DLGAP2: variants seen among roughly 807,000 people sequenced by gnomAD.
DLGAP2 encodes the protein disks large-associated protein 2.
In DLGAP2, 26 loss-of-function variants were observed where a neutral mutation model predicts 100.3. The observed-to-expected ratio is 0.26, with a 90% CI of 0.19 to 0.36. The LOEUF is 0.36. Among genes scored for constraint, DLGAP2 ranks in the 10% least tolerant of loss-of-function variants. The pLI is 1.00. For synonymous variants in DLGAP2, 886 were observed against 630.1 expected, an observed-to-expected ratio of 1.41 and a Z score of -6.08; for missense variants, 1,858 against 1,453.2, an observed-to-expected ratio of 1.28 and a Z score of -4.53.
At position 768,370 on chromosome 8, in the gene DLGAP2, G is replaced by A. The variant is rs894804580; in HGVS notation, c.18+30545G>A. On this transcript the variant is annotated intron_variant, in intron 1 of 14. Transcript: ENST00000637795. ...AACTGTTATTTCAGTTAAGCTTTTC[G>A]CTGTGGGCTTGTATGGACTTCAGCA... 4.0e-5 allele frequency among the ~76,000 whole-genome samples: 6 copies of A among 151,084 alleles called. No individual in the cohort carries two copies. In the South Asian group the frequency reaches 8.3e-4, roughly 21 times the overall value.
intron 2 of DLGAP2, among the ~76,000 whole-genome samples, chr8:1,170,176 G>T (rs1193617598): frequency 1.3e-5 from 2 of 152,140 alleles, no homozygotes; most frequent in East Asian, 3.8e-4. Flanking sequence ...TTTATATGCT[G>T]GATTACATTT....
intron 4 of DLGAP2, among the ~76,000 whole-genome samples, chr8:1,528,977 G>A (rs918474787): frequency 2.6e-5 from 4 of 152,090 alleles, no homozygotes; most frequent in African/African-American, 7.2e-5. Flanking sequence ...AAATGTTCAC[G>A]TGATATTTAA....
intron 4 of DLGAP2, among the ~76,000 whole-genome samples, chr8:1,536,277 C>G (rs999279443): frequency 6.6e-6 from 1 of 152,180 alleles, no homozygotes; most frequent in Non-Finnish European, 1.5e-5. Context: ...ATCTGCCAGT[C>G]ATGGGTAGTG....
intron 2 of DLGAP2, among the ~76,000 whole-genome samples, chr8:1,241,617 C>T (rs1247391526): frequency 2.0e-5 from 3 of 152,168 alleles, no homozygotes; most frequent in Non-Finnish European, 2.9e-5. Context: ...TCACTCCACA[C>T]TGGTCTTAGG....
Position 882,112 on chromosome 8 carries a change from G to T in DLGAP2, c.19-25800G>T, listed in dbSNP as rs1045255973. On this transcript the variant is annotated intron_variant, in intron 1 of 14. Coordinates refer to ENST00000637795, the MANE Select transcript of DLGAP2 (RefSeq NM_001346810.2). The stretch of plus-strand genomic sequence containing the variant: ...GGCTTCCCTGTAAATACTTGAAATG[G>T]CTCCTTAATAGAGAACTTAAGAGAG... 2.6e-5 allele frequency among the ~76,000 whole-genome samples: 4 copies of T among 152,208 alleles called. No homozygotes were observed. The South Asian group carries it at 8.3e-4, about 32-fold the overall frequency.
intron 2 of DLGAP2, among the ~76,000 whole-genome samples, chr8:932,672 C>T (rs1215284646): frequency 6.6e-6 from 1 of 151,936 alleles, no homozygotes; most frequent in Non-Finnish European, 1.5e-5. Context: ...TCATGTGGCT[C>T]TGAAAAAAAT....
At chr8:1,479,314 G>A (rs1209703178) in intron 3 of DLGAP2, among the ~76,000 whole-genome samples, 2 of 152,248 alleles carry the variant, frequency 1.3e-5, no homozygotes, top group African/African-American at 4.8e-5. Flanking sequence ...CTGGGCGCAG[G>A]GATGATTAGC....
At chr8:1,299,397 C>G (rs1475636887) in intron 3 of DLGAP2, among the ~76,000 whole-genome samples, 2 of 152,226 alleles carry the variant, frequency 1.3e-5, no homozygotes, top group Non-Finnish European at 1.5e-5. Flanking sequence ...CCTTCTTTCA[C>G]ATGTGGATCT....
chr8:822,277 G>A, intron 1 of DLGAP2: 1 of 399,420 alleles, frequency 2.5e-6, no homozygotes, highest in Non-Finnish European at 4.4e-6. Context: ...TGCTGTGATG[G>A]GTGCTCCACC....
intron 7 of DLGAP2, among the ~76,000 whole-genome samples, chr8:1,628,009 C>A (rs573908740): frequency 3.5e-5 from 4 of 115,406 alleles, no homozygotes; most frequent in African/African-American, 1.2e-4. Context: ...CTTGAGCCGA[C>A]CTCACATTCT....
intron 3 of DLGAP2, among the ~76,000 whole-genome samples, chr8:1,495,772 C>T (rs1459769248): frequency 3.9e-5 from 6 of 152,188 alleles, no homozygotes; most frequent in South Asian, 4.1e-4. Flanking sequence ...GGCCTTCCCC[C>T]GTATGCTTTC....
At chr8:840,860 GT>G (rs1441231651) in intron 1 of DLGAP2, among the ~76,000 whole-genome samples, 1 of 152,192 alleles carries the variant, frequency 6.6e-6, no homozygotes, top group Non-Finnish European at 1.5e-5. Context: ...ATTCGTCTGT[GT>G]TTTCAGCCTT....
intron 8 of DLGAP2, among the ~76,000 whole-genome samples, chr8:1,662,024 C>A (rs1473773332): frequency 6.6e-6 from 1 of 152,184 alleles, no homozygotes; most frequent in African/African-American, 2.4e-5. Flanking sequence ...CACAGCAAGA[C>A]CTCAGGGGAA....
intron 2 of DLGAP2, among the ~76,000 whole-genome samples, chr8:1,013,142 G>C (rs1801346740): frequency 6.6e-6 from 1 of 152,128 alleles, no homozygotes; most frequent in African/African-American, 2.4e-5. Context: ...TTTTGATCTA[G>C]TTACTGAAAG....
At chr8:1,637,917 G>C (rs1437747005) in intron 8 of DLGAP2, among the ~76,000 whole-genome samples, 1 of 152,246 alleles carries the variant, frequency 6.6e-6, no homozygotes, top group Non-Finnish European at 1.5e-5. Flanking sequence ...TGCAGGAAGA[G>C]TTGAGAGGCT....
chr8:1,186,903 C>T (rs1563239424), intron 2 of DLGAP2, among the ~76,000 whole-genome samples: 2 of 152,134 alleles, frequency 1.3e-5, no homozygotes, highest in Non-Finnish European at 2.9e-5. Flanking sequence ...CCCCATATCC[C>T]TTAAACAGGT....
chr8:1,259,929 C>G (rs1438171130), intron 3 of DLGAP2: 1 of 152,212 alleles, frequency 6.6e-6, no homozygotes, highest in Non-Finnish European at 1.5e-5. Flanking sequence ...ATGGAAAGCA[C>G]AGATATATCC....
At chr8:1,319,282 T>G (rs1800840606) in intron 3 of DLGAP2, among the ~76,000 whole-genome samples, 1 of 152,168 alleles carries the variant, frequency 6.6e-6, no homozygotes, top group Admixed American at 6.5e-5. Context: ...TCTGCCACAA[T>G]GTGTGCTGGT....
rs368413155 is a variant in DLGAP2, at chr8:905,116, C to T, written c.19-2796C>T. Among the ~76,000 whole-genome samples, 30 of 152,244 alleles carry T rather than the reference C, an allele frequency of 2.0e-4. No homozygotes were observed. The South Asian group carries it at 2.7e-3, about 14-fold the overall frequency. On this transcript the variant is annotated intron_variant, in intron 1 of 14. Transcript: ENST00000637795. ...ATTGTCTGCCTTTAGGAAAGTCACA[C>T]GTGGATTCTACCCTGGAAGGTTGAT...
Sources: gnomAD v4.1 joint callset for allele counts (sites outside exome capture counted in the v4.1 genomes callset) on GRCh38, gnomAD v4.1.1 for gene constraint, MANE v1.5 for transcripts, NCBI Gene and HGNC (gene_info 2026-07-23, HGNC 2026-07-21) for gene names.